The following PRKD2 variants were observed in gnomAD, a reference collection of about 807,000 sequenced individuals.
The protein encoded by PRKD2 is protein kinase D2.
In PRKD2, 22 loss-of-function variants were observed where a neutral mutation model predicts 86.0. The observed-to-expected ratio is 0.26, with a 90% CI of 0.18 to 0.37. The LOEUF is 0.37. Among genes scored for constraint, PRKD2 ranks in the 10% least tolerant of loss-of-function variants. PRKD2 has a pLI of 1.00. For missense variants in PRKD2, 818 were observed against 1,199.2 expected, an observed-to-expected ratio of 0.68 and a Z score of 4.70; for synonymous variants, 509 against 510.9, an observed-to-expected ratio of 1.00 and a Z score of 0.05.
At chr19:46,714,024 G>C (rs1251360534) in intron 1 of PRKD2, 23 bp from the exon 2 acceptor site, 1 of 1,610,634 alleles carries the variant, frequency 6.2e-7, no homozygotes, top group South Asian at 1.1e-5. Flanking sequence ...AGAGGGATGT[G>C]GCGACGGAAA....
At chr19:46,685,839 C>G (rs1380697535) in intron 14 of PRKD2, 2 of 152,350 alleles carry the variant, frequency 1.3e-5, no homozygotes, top group African/African-American at 4.8e-5. Flanking sequence ...ATCCCAGCTA[C>G]TCGGGAGGCT....
chr19:46,696,968 T>A (rs905167998), intron 9 of PRKD2, among the ~76,000 whole-genome samples, 189 bp downstream of exon 9: 6 of 151,836 alleles, frequency 4.0e-5, no homozygotes, highest in Non-Finnish European at 7.4e-5. Flanking sequence ...GGAGTCCCCC[T>A]GGCTGGAAAG....
chr19:46,701,687 C>G (rs1380652568), intron 5 of PRKD2, among the ~76,000 whole-genome samples: 2 of 151,406 alleles, frequency 1.3e-5, no homozygotes, highest in Non-Finnish European at 2.9e-5. Context: ...GTTATTGGTT[C>G]TAATGTGCTG....
At chr19:46,708,593 G>C (rs1015907765) in intron 3 of PRKD2, among the ~76,000 whole-genome samples, 1 of 152,068 alleles carries the variant, frequency 6.6e-6, no homozygotes, top group African/African-American at 2.4e-5. Flanking sequence ...TTATAGGCAT[G>C]AGCCACCATG....
intron 15 of PRKD2, among the ~76,000 whole-genome samples, chr19:46,680,934 ATATATATATATAT>A (rs1157434943): frequency 5.5e-5 from 3 of 54,170 alleles, no homozygotes; most frequent in African/African-American, 1.5e-4. Flanking sequence ...CTATATATAT[ATATATATATATAT>A]TTTTTTTTTT....
At position 46,674,753 on chromosome 19, in the gene PRKD2, G is replaced by A. The variant is rs1599803076; in HGVS notation, c.2425-18C>T. ...TGGTACTCCTGGGCCCGAGAGAACT[G>A]GGGTTAGCTTGGGGTCTGCATTGGA... On this transcript the variant is annotated intron_variant, in intron 17 of 17. Coordinates refer to ENST00000291281, the MANE Select transcript of PRKD2 (RefSeq NM_016457.5). 3 of 1,599,096 alleles carry A rather than the reference G, an allele frequency of 1.9e-6. No individual in the cohort carries two copies. The highest frequency in any genetic ancestry group is 4.5e-5 in the East Asian group (2 of 44,696).
chr19:46,690,716 G>A lies in PRKD2; in HGVS notation c.1703-10C>T, dbSNP rs561586657. On this transcript the variant is annotated splice_polypyrimidine_tract_variant and intron_variant, in intron 12 of 17. Coordinates refer to ENST00000291281, the MANE Select transcript of PRKD2 (RefSeq NM_016457.5). ...GTCTTCCGGTGTTTTCCTGCACAGGGAGTAGAAGAGATGGGGGATGAGAGA... is the reference window on the plus strand; with the variant it reads ...GTCTTCCGGTGTTTTCCTGCACAGGAAGTAGAAGAGATGGGGGATGAGAGA... 22 of 1,612,122 alleles carry A rather than the reference G, an allele frequency of 1.4e-5. No individual in the cohort carries two copies. In the African/African-American group the frequency reaches 2.7e-4, roughly 20 times the overall value.
chr19:46,713,754 A>G, intron 2 of PRKD2, 109 bp downstream of exon 2: 1 of 1,066,914 alleles, frequency 9.4e-7, no homozygotes, highest in Non-Finnish European at 1.3e-6. Flanking sequence ...CACAGGCGTG[A>G]GCCACTACAC....
chr19:46,681,091 C>T (rs2053298947), intron 15 of PRKD2, among the ~76,000 whole-genome samples: 1 of 149,908 alleles, frequency 6.7e-6, no homozygotes, highest in Non-Finnish European at 1.5e-5. Flanking sequence ...GTAGCTGGGA[C>T]TACAGGCGCA....
chr19:46,707,066 C>G (rs1485280076), intron 3 of PRKD2, among the ~76,000 whole-genome samples: 2 of 151,822 alleles, frequency 1.3e-5, no homozygotes, highest in Admixed American at 6.6e-5. Context: ...GCTAATTTTT[C>G]TAGTTTTAGT....
At chr19:46,684,557 A>G (rs759909953) in intron 14 of PRKD2, among the ~76,000 whole-genome samples, 1 of 152,174 alleles carries the variant, frequency 6.6e-6, no homozygotes, top group Non-Finnish European at 1.5e-5. Context: ...TCCTGACCTC[A>G]GGTGATCCAT....
chr19:46,713,812 TG>T, intron 2 of PRKD2, 50 bp downstream of exon 2: 1 of 804,654 alleles, frequency 1.2e-6, no homozygotes, highest in Non-Finnish European at 1.8e-6. Context: ...CTCCCCCAGA[TG>T]CCCCGCCCCC....
intron 8 of PRKD2, 40 bp downstream of exon 8, chr19:46,697,693 C>A (rs1336212448): frequency 6.4e-7 from 1 of 1,570,146 alleles, no homozygotes; most frequent in Non-Finnish European, 8.7e-7. Flanking sequence ...CCTCTTCCAG[C>A]CTTCGCTCCG....
chr19:46,714,036 G>A, intron 1 of PRKD2, 35 bp from the exon 2 acceptor site: 1 of 1,604,842 alleles, frequency 6.2e-7, no homozygotes, highest in South Asian at 1.1e-5. Flanking sequence ...CGACGGAAAA[G>A]CTCAGAGCCG....
chr19:46,676,060 A>G (rs1376318375), intron 16 of PRKD2, among the ~76,000 whole-genome samples: 1 of 152,138 alleles, frequency 6.6e-6, no homozygotes, highest in East Asian at 1.9e-4. Flanking sequence ...CGCCTGACCA[A>G]CTTATGATAT....
At chr19:46,681,084 G>A (rs2053298698) in intron 15 of PRKD2, among the ~76,000 whole-genome samples, 1 of 149,596 alleles carries the variant, frequency 6.7e-6, no homozygotes, top group Non-Finnish European at 1.5e-5. Context: ...CTCCCAAGTA[G>A]CTGGGACTAC....
intron 3 of PRKD2, 167 bp downstream of exon 3, chr19:46,710,740 G>T: frequency 1.2e-6 from 1 of 810,148 alleles, no homozygotes; most frequent in Non-Finnish European, 1.8e-6. Context: ...CCTTCCCCAA[G>T]CTCTGCTTCT....
At chr19:46,688,308 T>C (rs1459611296) in intron 14 of PRKD2, among the ~76,000 whole-genome samples, 1 of 151,964 alleles carries the variant, frequency 6.6e-6, no homozygotes, top group East Asian at 1.9e-4. Flanking sequence ...TGACTCCCCT[T>C]TTTTCTAGAT....
intron 1 of PRKD2, chr19:46,714,442 G>T: frequency 3.6e-6 from 1 of 274,820 alleles, no homozygotes; most frequent in Non-Finnish European, 5.4e-6. Flanking sequence ...GGTGGGGCGA[G>T]CTGGAAGGAG....
Sources: allele counts gnomAD v4.1 joint callset (sites outside exome capture counted in the v4.1 genomes callset), GRCh38; gene constraint gnomAD v4.1.1; transcripts MANE v1.5; gene names NCBI Gene and HGNC (gene_info 2026-07-23, HGNC 2026-07-21).